Variants in OBP2A observed in about 807,000 individuals in gnomAD.
The protein encoded by OBP2A is odorant binding protein 2A.
In OBP2A, 15 loss-of-function variants were observed where a neutral mutation model predicts 21.9. The observed-to-expected ratio is 0.69, with a 90% CI of 0.46 to 1.06. The LOEUF (loss-of-function observed/expected upper bound fraction) is 1.06. Among genes scored for constraint, OBP2A ranks in the 50% least tolerant of loss-of-function variants. The probability of loss-of-function intolerance (pLI) is 0.00; values close to 1 mark genes in which losing one functional copy is unlikely to be tolerated. For synonymous variants in OBP2A, 86 were observed against 91.8 expected (o/e 0.94, Z 0.36); for missense variants, 192 against 220.1 (o/e 0.87, Z 0.81).
chr9:135,547,647 A>G (rs1223610462), intron 3 of OBP2A, among the ~76,000 whole-genome samples: 3 of 152,216 alleles, frequency 2.0e-5, no homozygotes, highest in Non-Finnish European at 4.4e-5. Flanking sequence ...CTAGTCCTGG[A>G]CGTGCTCTGG....
chr9:135,546,822 C>T lies in OBP2A; in HGVS notation c.117C>T (p.Asp39=), dbSNP rs1232374592. Residue 39 remains aspartate (D), a synonymous_variant, in exon 2 of 7, where the codon GAC becomes GAT. Coordinates refer to ENST00000371776, the MANE Select transcript of OBP2A (RefSeq NM_014582.3). ...WYVKAMVVDK[D]FPEDRRPRKV... The stretch of plus-strand genomic sequence containing the variant: ...TGAAGGCCATGGTGGTCGATAAGGA[C>T]TTTCCGGAGGACAGGAGGCCCAGGA... 6.2e-7 allele frequency: 1 copy of T among 1,613,334 alleles called. No homozygotes were observed. The highest frequency in any genetic ancestry group is 1.7e-5 in the Admixed American group (1 of 59,946).
In OBP2A at chr9:135,548,807, C is replaced by T. The variant is rs764395289; in HGVS notation, c.488C>T (p.Thr163Met). The stretch of plus-strand genomic sequence containing the variant: ...GAGGACATTTTCATGCCCCTGCAGA[C>T]GGGTGAGGACGGCTGTGCCCAGTAC... ...SEEDIFMPLQTGSCVLEH is the reference protein window; with the variant it reads ...SEEDIFMPLQMGSCVLEH The change falls in exon 5 of 7, where the codon ACG becomes ATG. Residue 163 changes from threonine (T) to methionine (M), a missense_variant and splice_region_variant. Thr to Met is a moderately conservative substitution (Grantham distance 81). Transcript: ENST00000371776. 1.9e-5 allele frequency: 30 copies of T among 1,613,588 alleles called. No homozygotes were observed. Among genetic ancestry groups the T allele is most frequent in the East Asian group, 2.2e-5 (1 of 44,876 alleles).
At chr9:135,548,940 G>T (rs1832032374) in intron 5 of OBP2A, 131 bp downstream of exon 5, 1 of 1,061,240 alleles carries the variant, frequency 9.4e-7, no homozygotes, top group Non-Finnish European at 1.4e-6. Flanking sequence ...CAGGGGCTCT[G>T]GGCCCTGCTT....
intron 4 of OBP2A, 84 bp from the exon 5 acceptor site, chr9:135,548,624 C>T (rs1832019480): frequency 5.0e-6 from 8 of 1,589,840 alleles, no homozygotes; most frequent in Admixed American, 1.8e-5. Flanking sequence ...GATGCTGGGC[C>T]GTGGTCGTCT....
intron 6 of OBP2A, 168 bp downstream of exon 6, chr9:135,549,499 A>G: frequency 1.3e-6 from 1 of 743,784 alleles, no homozygotes; most frequent in Non-Finnish European, 2.2e-6. Context: ...TTCCTGGGAC[A>G]TTCGGGAAGT....
intron 4 of OBP2A, among the ~76,000 whole-genome samples, chr9:135,548,449 C>G (rs1362578747): frequency 2.6e-5 from 4 of 152,020 alleles, no homozygotes; most frequent in Non-Finnish European, 4.4e-5. Context: ...CTGGGGACCT[C>G]TCACCTGGGC....
At chr9:135,546,685 A>T in intron 1 of OBP2A, 93 bp from the exon 2 acceptor site, 1 of 1,524,582 alleles carries the variant, frequency 6.6e-7, no homozygotes, top group Non-Finnish European at 8.8e-7. Flanking sequence ...GCCGGGCACC[A>T]TGGGTGTCTG....
At chr9:135,547,719 G>A (rs1457084780) in intron 3 of OBP2A, 152 bp from the exon 4 acceptor site, 9 of 633,614 alleles carry the variant, frequency 1.4e-5, no homozygotes, top group African/African-American at 5.5e-5. Flanking sequence ...TCCGTGTCCG[G>A]GTCCATGCTG....
rs979681797 is a variant in OBP2A, at chr9:135,549,957, A to G, written c.*122A>G. On this transcript the variant is annotated 3_prime_UTR_variant, in exon 7 of 7. Transcript: ENST00000371776. Reference sequence around the variant, plus strand: ...CCCACCCACCTGACTCCAAATAAAGAGCTTCTCCCCCAGCTCTGGGCAGGC... The same window carrying G: ...CCCACCCACCTGACTCCAAATAAAGGGCTTCTCCCCCAGCTCTGGGCAGGC... 12 of 1,302,158 alleles carry G rather than the reference A, an allele frequency of 9.2e-6. No individual in the cohort carries two copies. The highest frequency in any genetic ancestry group is 1.2e-5 in the Non-Finnish European group (11 of 942,458). The allele number at this position is 1,302,158 out of a possible 1,614,324, so 80.7% of individuals were successfully genotyped here.
chr9:135,548,577 T>A, intron 4 of OBP2A, 131 bp from the exon 5 acceptor site: 1 of 1,361,582 alleles, frequency 7.3e-7, no homozygotes, highest in Non-Finnish European at 1.0e-6. Context: ...GCCCCACCCC[T>A]GAGCTCTGAT....
chr9:135,548,511 C>T, intron 4 of OBP2A, 197 bp from the exon 5 acceptor site: 1 of 694,966 alleles, frequency 1.4e-6, no homozygotes, highest in Non-Finnish European at 2.4e-6. Flanking sequence ...TGTCCATTCT[C>T]AGGCCTCCTC....
chr9:135,549,097 GGCT>G (rs1258648976), intron 5 of OBP2A, among the ~76,000 whole-genome samples: 1 of 7,018 alleles, frequency 1.4e-4, no homozygotes, highest in Non-Finnish European at 3.1e-4. Flanking sequence ...TGGGGTCTGG[GGCT>G]CCGCGCTCTG....
chr9:135,548,030 C>T (rs1831997585), intron 4 of OBP2A, 49 bp downstream of exon 4: 2 of 1,346,828 alleles, frequency 1.5e-6, no homozygotes, highest in South Asian at 2.7e-5. Context: ...GTCTCTGCCT[C>T]CAGAAGCCAG....
chr9:135,547,387 C>T (rs1831969344), intron 3 of OBP2A, 139 bp downstream of exon 3: 1 of 996,430 alleles, frequency 1.0e-6, no homozygotes, highest in African/African-American at 1.6e-5. Flanking sequence ...GCCTCTCCTT[C>T]CTGGGGGGCT....
rs565548866 is a variant in OBP2A, at chr9:135,546,225, C to G, written c.45C>G (p.Ala15=). 6.6e-5 allele frequency: 101 copies of G among 1,519,314 alleles called. 2 individuals carry two copies. The highest frequency in any genetic ancestry group is 2.5e-4 in the Admixed American group (14 of 55,812). The allele number at this position is 1,519,314 out of a possible 1,614,324, so 94.1% of individuals were successfully genotyped here. Residue 15 remains alanine, a synonymous_variant, in exon 1 of 7, where the codon GCC becomes GCG. Coordinates refer to ENST00000371776, the MANE Select transcript of OBP2A (RefSeq NM_014582.3). ...FLGVTLGLAA[A]LSFTLEEEDI... ...GTGTCACGCTCGGCCTGGCCGCTGC[C>G]CTGTCCTTCACCCTGGAGGAGGAGG...
At chr9:135,549,518 TTAC>T in intron 6 of OBP2A, 187 bp downstream of exon 6, 1 of 675,116 alleles carries the variant, frequency 1.5e-6, no homozygotes, top group African/African-American at 1.9e-5. Context: ...GTCCTTTGTT[TTAC>T]CATTCCTGCA....
At chr9:135,548,154 G>A (rs1832001832) in intron 4 of OBP2A, among the ~76,000 whole-genome samples, 173 bp downstream of exon 4, 1 of 152,218 alleles carries the variant, frequency 6.6e-6, no homozygotes, top group Non-Finnish European at 1.5e-5. Context: ...TTCCTGAAGT[G>A]GGAGTGGGGT....
chr9:135,549,810 T>C, intron 6 of OBP2A, 27 bp from the exon 7 acceptor site: 2 of 1,511,780 alleles, frequency 1.3e-6, no homozygotes, highest in Non-Finnish European at 1.8e-6. Context: ...GCAGCCTCCC[T>C]GACCTCTGCT....
Position 135,549,855 on chromosome 9 carries a change from C to T in OBP2A, c.*20C>T. On this transcript the variant is annotated 3_prime_UTR_variant, in exon 7 of 7. Transcript: ENST00000371776. ...AGCACAGCAGCCCCCGGGTCTGCAC[C>T]TCCAGAGCCCACCCTACCACCAGAC... is the stretch of plus-strand genomic sequence containing the variant. 6.5e-7 allele frequency: 1 copy of T among 1,548,600 alleles called. No homozygotes were observed. Among genetic ancestry groups the T allele is most frequent in the Non-Finnish European group, 8.7e-7 (1 of 1,146,016 alleles).
Sources: allele counts gnomAD v4.1 joint callset (sites outside exome capture counted in the v4.1 genomes callset), GRCh38; gene constraint gnomAD v4.1.1; transcripts MANE v1.5; gene names NCBI Gene and HGNC (gene_info 2026-07-23, HGNC 2026-07-21).